Variants in RGS6 observed in about 807,000 individuals in gnomAD.
RGS6 encodes regulator of G protein signaling 6.
RGS6 carries 30 observed loss-of-function variants against 78.5 expected under a neutral mutation model. That is an observed-to-expected ratio of 0.38 (90% CI 0.29 to 0.52). RGS6 has a LOEUF of 0.52. Ranked by LOEUF, RGS6 falls within the 20% of genes least tolerant of loss-of-function variation. RGS6 has a pLI of 0.85. For missense variants in RGS6, 495 were observed against 609.7 expected (o/e 0.81, Z 1.98); for synonymous variants, 206 against 206.0 (o/e 1.00, Z 0.00).
intron 3 of RGS6, among the ~76,000 whole-genome samples, chr14:72,353,840 C>T (rs373957042): frequency 2.2e-4 from 34 of 152,018 alleles, no homozygotes; most frequent in East Asian, 2.1e-3. Flanking sequence ...AAAAATTAGC[C>T]GGGCGTAGTG....
At chr14:72,059,405 C>A (rs991677602) in intron 2 of RGS6, among the ~76,000 whole-genome samples, 4 of 152,286 alleles carry the variant, frequency 2.6e-5, no homozygotes, top group African/African-American at 9.6e-5. Context: ...GATAACTTGT[C>A]ACATGTTCTT....
At chr14:72,402,062 GC>G (rs1207557217) in intron 3 of RGS6, among the ~76,000 whole-genome samples, 1 of 152,210 alleles carries the variant, frequency 6.6e-6, no homozygotes, top group Non-Finnish European at 1.5e-5. Context: ...CAATGGTGGA[GC>G]CCAGCCAATC....
At chr14:72,231,394 A>G (rs1339119230) in intron 2 of RGS6, among the ~76,000 whole-genome samples, 1 of 152,192 alleles carries the variant, frequency 6.6e-6, no homozygotes, top group Non-Finnish European at 1.5e-5. Flanking sequence ...ATTGGAGTTT[A>G]TTTATTTACT....
At chr14:72,358,464 G>A (rs2080822403) in intron 3 of RGS6, among the ~76,000 whole-genome samples, 1 of 152,252 alleles carries the variant, frequency 6.6e-6, no homozygotes, top group Non-Finnish European at 1.5e-5. Flanking sequence ...AGCTGCCCAA[G>A]ATAGTGGGAG....
intron 3 of RGS6, among the ~76,000 whole-genome samples, chr14:72,453,825 C>T (rs2095559393): frequency 6.6e-6 from 1 of 152,060 alleles, no homozygotes; most frequent in Non-Finnish European, 1.5e-5. Flanking sequence ...TGTGGCTCTG[C>T]ATTCCCCCAG....
At chr14:72,008,327 G>A (rs1052940470) in intron 2 of RGS6, among the ~76,000 whole-genome samples, 1 of 152,170 alleles carries the variant, frequency 6.6e-6, no homozygotes, top group Non-Finnish European at 1.5e-5. Context: ...CACCCAAGAA[G>A]GCTGATTTAG....
chr14:71,908,061 A>G, the RGS6 span: 1 of 152,350 alleles, frequency 6.6e-6, no homozygotes, highest in Non-Finnish European at 1.5e-5. Flanking sequence ...TTAGCAAACT[A>G]TAGGAAATAG....
In RGS6 at chr14:72,518,407, G is replaced by T; in HGVS notation, c.1148G>T (p.Arg383Met). 1.2e-6 allele frequency: 2 copies of T among 1,614,220 alleles called. No individual in the cohort carries two copies. The highest frequency in any genetic ancestry group is 1.7e-6 in the Non-Finnish European group (2 of 1,180,036). The part of the protein sequence containing the change: ...KKQPLQDVAK[R>M]VEEIWQEFLA... ...CAACCCCTACAGGATGTGGCCAAGA[G>T]GGTAGAAGAAATCTGGCAAGAGTTT... is the stretch of plus-strand genomic sequence containing the variant. Residue 383 changes from arginine to methionine, a missense_variant, in exon 15 of 18, where the codon AGG becomes ATG. Physicochemically the swap from Arg to Met is moderately conservative, Grantham distance 91. Transcript: ENST00000553525.
At chr14:72,343,041 A>G (rs541057917) in intron 2 of RGS6, among the ~76,000 whole-genome samples, 59 of 152,354 alleles carry the variant, frequency 3.9e-4, no homozygotes, top group African/African-American at 1.3e-3. Flanking sequence ...ACAATGCAGA[A>G]TACTGATTAG....
chr14:72,230,115 GAAGA>G (rs895366698), intron 2 of RGS6, among the ~76,000 whole-genome samples: 20 of 152,240 alleles, frequency 1.3e-4, no homozygotes, highest in African/African-American at 4.8e-4. Flanking sequence ...GATGGAAAGG[GAAGA>G]AAGAGTTTTT....
intron 2 of RGS6, among the ~76,000 whole-genome samples, chr14:72,264,064 T>C (rs1567611908): frequency 6.6e-6 from 1 of 152,164 alleles, no homozygotes; most frequent in Non-Finnish European, 1.5e-5. Context: ...ACGTGAACAT[T>C]CATACTACGT....
At chr14:72,390,736 C>G (rs191638782) in intron 3 of RGS6, among the ~76,000 whole-genome samples, 1 of 152,218 alleles carries the variant, frequency 6.6e-6, no homozygotes, top group Non-Finnish European at 1.5e-5. Flanking sequence ...TTTAATGATC[C>G]TTTGTGAGCT....
chr14:72,208,550 G>T (rs78973415), intron 2 of RGS6, among the ~76,000 whole-genome samples: 2,743 of 152,256 alleles, frequency 0.018, 35 homozygotes, highest in East Asian at 0.059. Flanking sequence ...TGCTGCATGA[G>T]ACCTTAAGGT....
chr14:72,222,702 A>T (rs900061237), intron 2 of RGS6, among the ~76,000 whole-genome samples: 2 of 152,226 alleles, frequency 1.3e-5, no homozygotes, highest in Non-Finnish European at 1.5e-5. Context: ...GCCAATATTT[A>T]TTGAGTACAA....
chr14:72,030,060 T>C (rs879475984), intron 2 of RGS6, among the ~76,000 whole-genome samples: 2 of 152,218 alleles, frequency 1.3e-5, no homozygotes, highest in Non-Finnish European at 2.9e-5. Flanking sequence ...ATCTTCGCAT[T>C]GTCTGGGAAG....
intron 2 of RGS6, among the ~76,000 whole-genome samples, chr14:72,204,216 C>A (rs1437036456): frequency 6.6e-6 from 1 of 152,184 alleles, no homozygotes; most frequent in Non-Finnish European, 1.5e-5. Flanking sequence ...TAAAACTTTT[C>A]ATCACCCCAA....
At position 72,500,902 on chromosome 14, in the gene RGS6, A is replaced by G. The variant is rs531873046; in HGVS notation, c.965+5640A>G. Among the ~76,000 whole-genome samples the G allele has an allele frequency of 3.3e-5, 5 of 152,286 alleles. No individual in the cohort carries two copies. The South Asian group carries it at 6.2e-4, about 19-fold the overall frequency. ...GGACTTTTCAAAAGCAGGAATGTCT[A>G]GTATGTGCTTTTTTAAATAGTAGGC... On this transcript the variant is annotated intron_variant, in intron 13 of 17. Coordinates refer to ENST00000553525, the MANE Select transcript of RGS6 (RefSeq NM_001204424.2).
chr14:72,358,326 C>T (rs1016500621), intron 3 of RGS6, among the ~76,000 whole-genome samples: 3 of 152,170 alleles, frequency 2.0e-5, no homozygotes, highest in African/African-American at 4.8e-5. Flanking sequence ...GGGCCACTGT[C>T]CTCCAGACTC....
At chr14:72,175,373 C>T (rs898847781) in intron 2 of RGS6, among the ~76,000 whole-genome samples, 2 of 152,202 alleles carry the variant, frequency 1.3e-5, no homozygotes, top group African/African-American at 4.8e-5. Flanking sequence ...GTTTCATAGC[C>T]TGTACCAATA....
Sources: gnomAD v4.1 joint callset for allele counts (sites outside exome capture counted in the v4.1 genomes callset) on GRCh38, gnomAD v4.1.1 for gene constraint, MANE v1.5 for transcripts, NCBI Gene and HGNC (gene_info 2026-07-23, HGNC 2026-07-21) for gene names.